HS6ST3: variants seen among roughly 807,000 people sequenced by gnomAD.
The protein encoded by HS6ST3 is heparan sulfate 6-O-sulfotransferase 3.
Under a neutral mutation model 36.7 loss-of-function variants are expected in HS6ST3, and 12 were observed. The ratio of observed to expected loss-of-function variants is 0.33; its 90% confidence interval spans 0.21 to 0.53. The LOEUF is 0.53. Ranked by LOEUF, HS6ST3 falls within the 20% of genes least tolerant of loss-of-function variation. The pLI, the probability that HS6ST3 is intolerant of heterozygous loss-of-function variation, is 0.95. For missense variants in HS6ST3, 584 were observed against 640.9 expected (o/e 0.91, Z 0.96); for synonymous variants, 240 against 257.5 (o/e 0.93, Z 0.65).
rs576186660 is a variant in HS6ST3 at position 96,339,023 on chromosome 13, G to A, written c.707+247454G>A. Among the ~76,000 whole-genome samples the A allele has an allele frequency of 5.9e-5, 9 of 152,056 alleles. No homozygotes were observed. In the South Asian group the frequency reaches 1.5e-3, roughly 25 times the overall value. ...TCAGTTAAACTGCTGCCTGCTGTAC[G>A]TTGGGATATAGATGTTGTGCTTACC... On this transcript the variant is annotated intron_variant, in intron 1 of 1. Coordinates refer to ENST00000376705, the MANE Select transcript of HS6ST3 (RefSeq NM_153456.4).
chr13:96,379,567 A>T (rs761462439), intron 1 of HS6ST3, among the ~76,000 whole-genome samples: 2 of 152,342 alleles, frequency 1.3e-5, no homozygotes, highest in Non-Finnish European at 2.9e-5. Flanking sequence ...TAGCAGCTGG[A>T]AGGGACTAAG....
At chr13:96,800,442 G>A (rs1336623365) in intron 1 of HS6ST3, among the ~76,000 whole-genome samples, 2 of 152,032 alleles carry the variant, frequency 1.3e-5, no homozygotes, top group African/African-American at 4.8e-5. Context: ...GAGCAGTGCA[G>A]TATCTGAACA....
intron 1 of HS6ST3, among the ~76,000 whole-genome samples, chr13:96,578,034 T>C (rs2056328139): frequency 6.6e-6 from 1 of 152,200 alleles, no homozygotes; most frequent in Admixed American, 6.5e-5. Context: ...AGAAATTCAG[T>C]GCCCAAGAAT....
intron 1 of HS6ST3, among the ~76,000 whole-genome samples, chr13:96,179,123 G>T (rs1254668780): frequency 2.0e-5 from 3 of 152,182 alleles, no homozygotes; most frequent in African/African-American, 7.2e-5. Context: ...TTGGTATAAA[G>T]TTAAATGATG....
intron 1 of HS6ST3, among the ~76,000 whole-genome samples, chr13:96,791,270 CCTT>C (rs1487223744): frequency 1.3e-5 from 2 of 151,912 alleles, no homozygotes; most frequent in South Asian, 2.1e-4. Context: ...AAGTTCTGAC[CCTT>C]GGATCTTTTA....
chr13:96,623,147 C>T (rs1254265101), intron 1 of HS6ST3, among the ~76,000 whole-genome samples: 2 of 151,924 alleles, frequency 1.3e-5, no homozygotes, highest in African/African-American at 4.8e-5. Context: ...TTTCTTTTTA[C>T]TTAGGTGTAA....
intron 1 of HS6ST3, among the ~76,000 whole-genome samples, chr13:96,354,361 A>C (rs1451986460): frequency 6.6e-6 from 1 of 152,180 alleles, no homozygotes; most frequent in Non-Finnish European, 1.5e-5. Flanking sequence ...TCTGCAAGGA[A>C]ACTCAGATAA....
intron 1 of HS6ST3, among the ~76,000 whole-genome samples, chr13:96,368,118 T>A (rs1362900817): frequency 6.6e-6 from 1 of 152,166 alleles, no homozygotes; most frequent in Non-Finnish European, 1.5e-5. Context: ...GGGAACGCCT[T>A]TATTGCTTTT....
intron 1 of HS6ST3, among the ~76,000 whole-genome samples, chr13:96,735,193 T>C (rs958205277): frequency 3.3e-5 from 5 of 151,840 alleles, no homozygotes; most frequent in Non-Finnish European, 5.9e-5. Flanking sequence ...TAAAAAAGAT[T>C]CTGGGATGAT....
At chr13:96,639,735 G>A (rs1157472065) in intron 1 of HS6ST3, among the ~76,000 whole-genome samples, 1 of 151,678 alleles carries the variant, frequency 6.6e-6, no homozygotes, top group Non-Finnish European at 1.5e-5. Flanking sequence ...AGTTTCTATT[G>A]TAGCCATCTT....
intron 1 of HS6ST3, among the ~76,000 whole-genome samples, chr13:96,577,312 A>G (rs2056325590): frequency 6.6e-6 from 1 of 152,180 alleles, no homozygotes; most frequent in Non-Finnish European, 1.5e-5. Context: ...GATGGCTTCC[A>G]GCTTCATCCA....
At chr13:96,339,347 G>A (rs545162848) in intron 1 of HS6ST3, among the ~76,000 whole-genome samples, 2 of 152,250 alleles carry the variant, frequency 1.3e-5, no homozygotes, top group East Asian at 1.9e-4. Context: ...GACACAGGGA[G>A]GTGGATTTTA....
At position 96,132,778 on chromosome 13, in the gene HS6ST3, AC is replaced by A. The variant is rs1358298661; in HGVS notation, c.707+41212del. On this transcript the variant is annotated intron_variant, in intron 1 of 1. Transcript: ENST00000376705. ...TCCCTTTTTCTCCACATTCTCACTA[AC>A]CCTTGTTATCTTTTGTCTTTTTGTT... Among the ~76,000 whole-genome samples, 3 of 152,070 alleles carry A rather than the reference AC, an allele frequency of 2.0e-5. No homozygotes were observed. The East Asian group carries it at 5.8e-4, about 29-fold the overall frequency.
intron 1 of HS6ST3, among the ~76,000 whole-genome samples, chr13:96,164,542 A>G (rs2054151969): frequency 6.6e-6 from 1 of 151,308 alleles, no homozygotes; most frequent in African/African-American, 2.4e-5. Flanking sequence ...GGGAGACAGA[A>G]TGAGACCCTG....
At chr13:96,495,809 A>T (rs2138909088) in intron 1 of HS6ST3, among the ~76,000 whole-genome samples, 1 of 152,326 alleles carries the variant, frequency 6.6e-6, no homozygotes, top group African/African-American at 2.4e-5. Context: ...GCAAAACTTT[A>T]CATTGTGAGC....
chr13:96,265,251 C>A (rs2054686120), intron 1 of HS6ST3, among the ~76,000 whole-genome samples: 1 of 152,028 alleles, frequency 6.6e-6, no homozygotes, highest in Non-Finnish European at 1.5e-5. Context: ...TCATGGCTCA[C>A]TGTAGCCTCA....
intron 1 of HS6ST3, among the ~76,000 whole-genome samples, chr13:96,512,931 G>A (rs1329007421): frequency 6.6e-6 from 1 of 151,446 alleles, no homozygotes; most frequent in Non-Finnish European, 1.5e-5. Context: ...TTCACTACAG[G>A]AGGAGCGATA....
chr13:96,479,339 TG>T (rs1363972677), intron 1 of HS6ST3, among the ~76,000 whole-genome samples: 1 of 151,592 alleles, frequency 6.6e-6, no homozygotes, highest in Admixed American at 6.6e-5. Context: ...GCATAGAGAG[TG>T]GAAGGTCAGG....
chr13:96,697,803 C>T (rs898815385), intron 1 of HS6ST3, among the ~76,000 whole-genome samples: 2 of 152,096 alleles, frequency 1.3e-5, no homozygotes, highest in Admixed American at 1.3e-4. Context: ...ATCTTAATGG[C>T]CCATCCAGCT....
Sources: allele counts gnomAD v4.1 joint callset (sites outside exome capture counted in the v4.1 genomes callset), GRCh38; gene constraint gnomAD v4.1.1; transcripts MANE v1.5; gene names NCBI Gene and HGNC (gene_info 2026-07-23, HGNC 2026-07-21).